Variants in CSMD1 observed in about 807,000 individuals in gnomAD.
CSMD1 encodes CUB and Sushi multiple domains 1.
A neutral mutation model predicts 417.5 loss-of-function variants in CSMD1; 213 were observed. The observed-to-expected ratio is 0.51, with a 90% CI of 0.46 to 0.57. The LOEUF (loss-of-function observed/expected upper bound fraction) is 0.57, where lower values mean the gene tolerates loss of function less well. Among genes scored for constraint, CSMD1 ranks in the 20% least tolerant of loss-of-function variants. The probability of loss-of-function intolerance (pLI) is 0.00; values close to 1 mark genes in which losing one functional copy is unlikely to be tolerated. For synonymous variants in CSMD1, 2,862 were observed against 1,736.8 expected, an observed-to-expected ratio of 1.65 and a Z score of -16.11; for missense variants, 6,923 against 4,529.7, an observed-to-expected ratio of 1.53 and a Z score of -15.17.
chr8:4,120,717 G>C (rs1021007124), intron 3 of CSMD1, among the ~76,000 whole-genome samples: 1 of 152,168 alleles, frequency 6.6e-6, no homozygotes. Context: ...AAACACTCCA[G>C]GCTCATGCAG....
chr8:3,874,498 T>G (rs1160564030), intron 5 of CSMD1, among the ~76,000 whole-genome samples: 1 of 152,204 alleles, frequency 6.6e-6, no homozygotes, highest in African/African-American at 2.4e-5. Context: ...TTTATGACGT[T>G]GCATTGAAAC....
At chr8:3,161,865 C>A (rs1380620311) in intron 38 of CSMD1, among the ~76,000 whole-genome samples, 2 of 152,056 alleles carry the variant, frequency 1.3e-5, no homozygotes, top group Non-Finnish European at 2.9e-5. Flanking sequence ...TTCAAAGAGA[C>A]AGTGTTGATA....
At chr8:4,731,287 C>G (rs1466569989) in intron 1 of CSMD1, among the ~76,000 whole-genome samples, 1 of 152,162 alleles carries the variant, frequency 6.6e-6, no homozygotes, top group Non-Finnish European at 1.5e-5. Context: ...GGCCACCTTC[C>G]TCATGGGATC....
intron 5 of CSMD1, among the ~76,000 whole-genome samples, chr8:3,856,988 G>C (rs1027014181): frequency 3.9e-5 from 6 of 151,942 alleles, no homozygotes; most frequent in African/African-American, 1.5e-4. Flanking sequence ...TTTTTTATTT[G>C]CACAGAGAAA....
intron 49 of CSMD1, among the ~76,000 whole-genome samples, chr8:3,065,960 C>A (rs1812912567): frequency 6.6e-6 from 1 of 152,018 alleles, no homozygotes; most frequent in Non-Finnish European, 1.5e-5. Flanking sequence ...TTTCTCCGAG[C>A]ACTAAATAAA....
At chr8:4,771,937 G>A (rs1280392625) in intron 1 of CSMD1, among the ~76,000 whole-genome samples, 1 of 152,112 alleles carries the variant, frequency 6.6e-6, no homozygotes, top group Non-Finnish European at 1.5e-5. Context: ...CCCATCCCGG[G>A]GATCTCGTGA....
intron 6 of CSMD1, among the ~76,000 whole-genome samples, chr8:3,749,929 G>A (rs1466295320): frequency 2.0e-5 from 3 of 152,048 alleles, no homozygotes; most frequent in Non-Finnish European, 4.4e-5. Flanking sequence ...ATTTCTGTTG[G>A]ACGCATGCCT....
At chr8:4,351,556 G>T (rs946354892) in intron 3 of CSMD1, among the ~76,000 whole-genome samples, 3 of 152,236 alleles carry the variant, frequency 2.0e-5, no homozygotes, top group Admixed American at 2.0e-4. Context: ...TGGCCGGTCA[G>T]TTTGGCTTTA....
chr8:3,963,918 A>C (rs1812501602), intron 5 of CSMD1, among the ~76,000 whole-genome samples: 1 of 152,208 alleles, frequency 6.6e-6, no homozygotes, highest in Admixed American at 6.5e-5. Context: ...TGTATCCCAA[A>C]TTTCCTCCCT....
chr8:3,753,526 A>G (rs966741165), intron 6 of CSMD1, among the ~76,000 whole-genome samples: 2 of 152,244 alleles, frequency 1.3e-5, no homozygotes, highest in Admixed American at 6.5e-5. Flanking sequence ...AAGACCTTTT[A>G]GGATTAAAAG....
In CSMD1 at chr8:3,660,786, G is replaced by C. The variant is rs142846635; in HGVS notation, c.1010-43989C>G. On this transcript the variant is annotated intron_variant, in intron 7 of 69. Transcript: ENST00000635120. The stretch of plus-strand genomic sequence containing the variant: ...TCCACACACCTCGGCCTCTCAAAGT[G>C]CTGGAATCACAGGCGTGAGCCACCC... Among the ~76,000 whole-genome samples, 457 of 152,244 alleles carry C rather than the reference G, an allele frequency of 3.0e-3. 1 individual carries two copies. The highest frequency in any genetic ancestry group is 0.011 in the African/African-American group (438 of 41,534).
chr8:4,358,132 T>A (rs1325033452), intron 3 of CSMD1, among the ~76,000 whole-genome samples: 1 of 152,170 alleles, frequency 6.6e-6, no homozygotes, highest in African/African-American at 2.4e-5. Context: ...TTCTCAAAAT[T>A]TATTCTCAAA....
chr8:4,174,719 G>A (rs533088308), intron 3 of CSMD1, among the ~76,000 whole-genome samples: 1 of 112,536 alleles, frequency 8.9e-6, no homozygotes, highest in Admixed American at 9.3e-5. Flanking sequence ...GAGAGAGGAA[G>A]AGGGATGTGA....
chr8:4,956,983 T>G (rs1750292568), intron 1 of CSMD1, among the ~76,000 whole-genome samples: 1 of 152,200 alleles, frequency 6.6e-6, no homozygotes, highest in African/African-American at 2.4e-5. Flanking sequence ...TGCTCCTGAT[T>G]CTTGTGTCTG....
intron 3 of CSMD1, among the ~76,000 whole-genome samples, chr8:4,221,297 G>C (rs1016987200): frequency 6.7e-6 from 1 of 149,958 alleles, no homozygotes; most frequent in Admixed American, 6.6e-5. Context: ...ATGGCATATT[G>C]AATACACTCA....
intron 3 of CSMD1, among the ~76,000 whole-genome samples, chr8:4,264,930 TC>T (rs1268758210): frequency 1.3e-5 from 2 of 152,202 alleles, no homozygotes; most frequent in African/African-American, 4.8e-5. Flanking sequence ...TTTCTAAACT[TC>T]TACTTGAATC....
At chr8:4,569,815 C>T (rs1228544627) in intron 2 of CSMD1, among the ~76,000 whole-genome samples, 2 of 152,122 alleles carry the variant, frequency 1.3e-5, no homozygotes, top group African/African-American at 2.4e-5. Context: ...TCTTTTATTT[C>T]CTTGAGCACT....
intron 3 of CSMD1, among the ~76,000 whole-genome samples, chr8:4,275,261 G>A (rs923608888): frequency 2.0e-4 from 30 of 152,046 alleles, no homozygotes; most frequent in African/African-American, 6.8e-4. Context: ...CGAAATGAAA[G>A]CAATATGACT....
chr8:4,383,619 T>G (rs923205380), intron 3 of CSMD1, among the ~76,000 whole-genome samples: 15 of 152,194 alleles, frequency 9.9e-5, no homozygotes, highest in Non-Finnish European at 2.1e-4. Context: ...ACGTGCTGAT[T>G]AAACTGAGAA....
Sources: allele counts gnomAD v4.1 joint callset (sites outside exome capture counted in the v4.1 genomes callset), GRCh38; gene constraint gnomAD v4.1.1; transcripts MANE v1.5; gene names NCBI Gene and HGNC (gene_info 2026-07-23, HGNC 2026-07-21).